The following TP53BP1 variants were observed in gnomAD, a reference collection of about 807,000 sequenced individuals.
TP53BP1 encodes tumor protein p53 binding protein 1.
In TP53BP1, 61 loss-of-function variants were observed where a neutral mutation model predicts 200.8. The ratio of observed to expected loss-of-function variants is 0.30; its 90% CI spans 0.25 to 0.38. The LOEUF is 0.38. Among genes scored for constraint, TP53BP1 ranks in the 10% least tolerant of loss-of-function variants. The probability of loss-of-function intolerance (pLI) is 1.00; values close to 1 mark genes in which losing one functional copy is unlikely to be tolerated. For missense variants in TP53BP1, 2,144 were observed against 2,371.9 expected, an observed-to-expected ratio of 0.90 and a Z score of 2.00; for synonymous variants, 822 against 844.3, an observed-to-expected ratio of 0.97 and a Z score of 0.46.
Position 43,479,941 on chromosome 15 carries a change from T to C in TP53BP1, c.576A>G (p.Pro192=), listed in dbSNP as rs1294681186. The C allele has an allele frequency of 2.5e-6, 4 of 1,614,196 alleles. No homozygotes were observed. The highest frequency in any genetic ancestry group is 2.2e-5 in the East Asian group (1 of 44,894). ...GTAGCTGCTCTTTGTCCACTTCATATGGCACAGTATTTTCCTCAACATCCT... is the reference window on the plus strand; with the variant it reads ...GTAGCTGCTCTTTGTCCACTTCATACGGCACAGTATTTTCCTCAACATCCT... ...QSQDVEENTV[P]YEVDKEQLQS... The change falls in exon 6 of 28, where the codon CCA becomes CCG. Residue 192 remains proline (P), a synonymous_variant. Coordinates refer to ENST00000382044, the MANE Select transcript of TP53BP1 (RefSeq NM_001141980.3).
In TP53BP1 at chr15:43,491,739, A is replaced by C; in HGVS notation, c.301T>G (p.Ser101Ala). ...ATGGAACCACATGTGTCCAAGTTAG[A>C]AGAATCCACAGGGTCTGAAAAAAAT... is the stretch of plus-strand genomic sequence containing the variant. Reference protein sequence around the residue: ...ENKVADPVDSSNLDTCGSISQ... With the variant: ...ENKVADPVDSANLDTCGSISQ... Residue 101 changes from serine to alanine, a missense_variant, in exon 4 of 28, where the codon TCT (serine) becomes GCT (alanine). Around this residue, in one of 4 missense-constraint regions of TP53BP1, gnomAD observed 1,700 missense variants for 1,710.3 expected, o/e 0.99. Transcript: ENST00000382044. The C allele has an allele frequency of 1.2e-6, 2 of 1,614,010 alleles. No homozygotes were observed. Among genetic ancestry groups the C allele is most frequent in the South Asian group, 2.2e-5 (2 of 91,090 alleles).
Position 43,492,325 on chromosome 15 carries a change from G to T in TP53BP1, c.151C>A (p.His51Asn). Residue 51 changes from histidine to asparagine, a missense_variant, in exon 2 of 28, where the codon CAC becomes AAC. Around this residue, in one of 4 missense-constraint regions of TP53BP1, gnomAD observed 1,700 missense variants for 1,710.3 expected, o/e 0.99. Coordinates refer to ENST00000382044, the MANE Select transcript of TP53BP1 (RefSeq NM_001141980.3). ...TTGTGCGTCTGGAGATTAGGAAGGT[G>T]TCGAGATAGCATACTGAAGTGAGAA... ...SGSHFSMLSR[H>N]LPNLQTHKEN... The T allele has an allele frequency of 1.2e-6, 2 of 1,614,176 alleles. No individual in the cohort carries two copies. The highest frequency in any genetic ancestry group is 1.7e-6 in the Non-Finnish European group (2 of 1,180,024).
intron 12 of TP53BP1, among the ~76,000 whole-genome samples, chr15:43,450,390 T>A (rs147508069): frequency 1.3e-5 from 2 of 152,334 alleles, no homozygotes; most frequent in African/African-American, 4.8e-5. Flanking sequence ...TATCCGGCGA[T>A]ATCATGCATG....
chr15:43,509,201 G>C (rs1466508276), intron 1 of TP53BP1, among the ~76,000 whole-genome samples: 1 of 79,014 alleles, frequency 1.3e-5, no homozygotes, highest in African/African-American at 5.6e-5. Context: ...GGGGGGGGGG[G>C]GCAGAGGTAC....
At chr15:43,426,455 A>C (rs2045535302) in intron 18 of TP53BP1, among the ~76,000 whole-genome samples, 1 of 151,654 alleles carries the variant, frequency 6.6e-6, no homozygotes, top group Non-Finnish European at 1.5e-5. Context: ...AAAAAAAAAA[A>C]AAAAAGGAAT....
In TP53BP1 at chr15:43,479,897, G is replaced by C; in HGVS notation, c.620C>G (p.Ser207Cys). 1 of 1,614,206 alleles carries C rather than the reference G, an allele frequency of 6.2e-7. No homozygotes were observed. Among genetic ancestry groups the C allele is most frequent in the Non-Finnish European group, 8.5e-7 (1 of 1,180,028 alleles). Residue 207 changes from serine to cysteine, a missense_variant, in exon 6 of 28, where the codon TCT becomes TGT. Coordinates refer to ENST00000382044, the MANE Select transcript of TP53BP1 (RefSeq NM_001141980.3). ...CACATCAGACAGCCTGGTATAACCA[G>C]AGTTGGTGGTTACTGATTGTAGCTG... is the stretch of plus-strand genomic sequence containing the variant. ...KEQLQSVTTN[S>C]GYTRLSDVDA...
At position 43,428,183 on chromosome 15, in the gene TP53BP1, A is replaced by G. The variant is rs2045593823; in HGVS notation, c.3676-15T>C. The G allele has an allele frequency of 1.2e-6, 2 of 1,612,410 alleles. No homozygotes were observed. Among genetic ancestry groups the G allele is most frequent in the Non-Finnish European group, 1.7e-6 (2 of 1,178,942 alleles). ...TCTTCTTCTCCCTGTGACAGAAAAT[A>G]CAGAACATAAGCACAGGTCTCACTG... On this transcript the variant is annotated splice_polypyrimidine_tract_variant and intron_variant, in intron 17 of 27. Transcript: ENST00000382044.
intron 17 of TP53BP1, among the ~76,000 whole-genome samples, chr15:43,430,204 T>C (rs78347886): frequency 0.01 from 1,548 of 152,312 alleles, 30 homozygotes; most frequent in African/African-American, 0.035. Flanking sequence ...TTTTGACATA[T>C]AAATGAAAAT....
At chr15:43,446,970 G>A in intron 13 of TP53BP1, 2 of 539,118 alleles carry the variant, frequency 3.7e-6, no homozygotes, top group South Asian at 1.5e-5. Context: ...AGGGAAGGAG[G>A]ATCTAAGTTT....
At chr15:43,497,725 G>A (rs979667437), upstream of TP53BP1, among the ~76,000 whole-genome samples, 3 of 152,218 alleles carry the variant, frequency 2.0e-5, no homozygotes, top group African/African-American at 7.2e-5. Flanking sequence ...GAGCTAGGAG[G>A]AGGGAGGAAA....
Position 43,477,749 on chromosome 15 carries a change from T to C in TP53BP1, c.799A>G (p.Met267Val), listed in dbSNP as rs1210075638. The C allele has an allele frequency of 1.2e-6, 2 of 1,608,230 alleles. No individual in the cohort carries two copies. Among genetic ancestry groups the C allele is most frequent in the Non-Finnish European group, 1.7e-6 (2 of 1,177,692 alleles). ...QNPPPARSEDMPFSPKASVAA... is the reference protein window; with the variant it reads ...QNPPPARSEDVPFSPKASVAA... ...ACAGATGCTTTGGGGCTAAAAGGCA[T>C]GTCCTCTGACCTAGGAAATTCATAT... Residue 267 changes from methionine to valine, a missense_variant, in exon 8 of 28, where the codon ATG becomes GTG. Around this residue, in one of 4 missense-constraint regions of TP53BP1, gnomAD observed 1,700 missense variants for 1,710.3 expected, o/e 0.99. Coordinates refer to ENST00000382044, the MANE Select transcript of TP53BP1 (RefSeq NM_001141980.3).
In TP53BP1 at chr15:43,403,761, G is replaced by A. The variant is rs1483320064; in HGVS notation, c.*3622C>T. 1 of 1,613,946 alleles carries A rather than the reference G, an allele frequency of 6.2e-7. No homozygotes were observed. The highest frequency in any genetic ancestry group is 1.1e-5 in the South Asian group (1 of 91,052). ...GGTCAGTCAGAACCTAGGCCCACTG[G>A]ATGAGCGTGGAGCCGCCCAGCTGAG... On this transcript the variant is annotated 3_prime_UTR_variant, in exon 28 of 28. Coordinates refer to ENST00000382044, the MANE Select transcript of TP53BP1 (RefSeq NM_001141980.3).
intron 8 of TP53BP1, among the ~76,000 whole-genome samples, chr15:43,476,264 C>CA (rs1430378897): frequency 1.3e-5 from 2 of 151,884 alleles, no homozygotes; most frequent in East Asian, 3.9e-4. Flanking sequence ...GACTCCGTCT[C>CA]AAAAAAATAA....
chr15:43,436,658 T>C (rs563738365), intron 16 of TP53BP1, among the ~76,000 whole-genome samples: 2 of 151,656 alleles, frequency 1.3e-5, no homozygotes, highest in South Asian at 4.2e-4. Flanking sequence ...TTTCTTTTTT[T>C]TCTTGGTAGA....
chr15:43,407,392 A>G lies in TP53BP1; in HGVS notation c.5925T>C (p.Val1975=). The G allele has an allele frequency of 6.2e-7, 1 of 1,614,134 alleles. No homozygotes were observed. The highest frequency in any genetic ancestry group is 8.5e-7 in the Non-Finnish European group (1 of 1,179,962). ...GTAAGACCAAGTATCTTTAGTGAGA[A>G]ACATAATCGTGTTTATATTTTGGAT... ...KQHPKYKHDY[V]SH Residue 1975 remains valine (V), a synonymous_variant, in exon 28 of 28, where the codon GTT becomes GTC. Transcript: ENST00000382044.
intron 12 of TP53BP1, among the ~76,000 whole-genome samples, chr15:43,449,846 T>G (rs1180999457): frequency 7.9e-5 from 12 of 152,228 alleles, no homozygotes; most frequent in Admixed American, 7.9e-4. Flanking sequence ...TTTCTTTAAT[T>G]ATTCACGTTC....
chr15:43,409,457 G>C, intron 25 of TP53BP1, 190 bp downstream of exon 25: 1 of 529,638 alleles, frequency 1.9e-6, no homozygotes. Context: ...ACTAACCCAA[G>C]GTCCTACCTT....
chr15:43,433,031 G>A (rs1316017037), intron 16 of TP53BP1, among the ~76,000 whole-genome samples: 1 of 151,930 alleles, frequency 6.6e-6, no homozygotes, highest in African/African-American at 2.4e-5. Context: ...ACAATGAAGG[G>A]CAACTTAGGG....
Position 43,403,657 on chromosome 15 carries a change from T to C in TP53BP1, c.*3726A>G. 1.3e-6 allele frequency: 2 copies of C among 1,541,706 alleles called. No individual in the cohort carries two copies. Among genetic ancestry groups the C allele is most frequent in the Non-Finnish European group, 1.8e-6 (2 of 1,117,028 alleles). ...CATGGATGTACCTTCCTTCCTTTCC[T>C]AATGCCAACTCTGTTTCCCGGGTAG... On this transcript the variant is annotated 3_prime_UTR_variant, in exon 28 of 28. Coordinates refer to ENST00000382044, the MANE Select transcript of TP53BP1 (RefSeq NM_001141980.3).
Sources: allele counts gnomAD v4.1 joint callset (sites outside exome capture counted in the v4.1 genomes callset), GRCh38; gene constraint gnomAD v4.1.1; regional missense constraint gnomAD v4.1.1; transcripts MANE v1.5; gene names NCBI Gene and HGNC (gene_info 2026-07-23, HGNC 2026-07-21).